Variants in NBAS observed in about 807,000 individuals in gnomAD.
The protein encoded by NBAS is NBAS subunit of NRZ tethering complex, also known as NAG/BC035112 fusion.
A neutral mutation model predicts 302.5 loss-of-function variants in NBAS; 219 were observed. The observed-to-expected ratio is 0.72, with a 90% CI of 0.65 to 0.81. The LOEUF (loss-of-function observed/expected upper bound fraction) is 0.81, where lower values mean the gene tolerates loss of function less well. NBAS is among the 30% of genes least tolerant of loss of function. The pLI, the probability that NBAS is intolerant of heterozygous loss-of-function variation, is 0.00. For missense variants in NBAS, 2,932 were observed against 2,841.6 expected, an observed-to-expected ratio of 1.03 and a Z score of -0.72; for synonymous variants, 1,118 against 1,021.6, an observed-to-expected ratio of 1.09 and a Z score of -1.80.
At chr2:15,384,737 T>C (rs549202137) in intron 28 of NBAS, among the ~76,000 whole-genome samples, 3 of 152,346 alleles carry the variant, frequency 2.0e-5, no homozygotes, top group African/African-American at 7.2e-5. Context: ...TTATGTTTAC[T>C]TTCTAGTCTT....
At position 15,394,266 on chromosome 2, in the gene NBAS, C is replaced by T. The variant is rs557345395; in HGVS notation, c.3218G>A (p.Arg1073His). 1.9e-6 allele frequency: 3 copies of T among 1,612,334 alleles called. No individual in the cohort carries two copies. The highest frequency in any genetic ancestry group is 2.2e-5 in the East Asian group (1 of 44,744). ...CCTCGTCAATCTAACCATCAGCTTG[C>T]GTGCCTCTTCTGAGCTAGATTGAGT... ...KNTQSSSEEA[R>H]KLMVRLTRHT... The change falls in exon 28 of 52, where the codon CGC becomes CAC. Residue 1073 changes from arginine to histidine, a missense_variant. By Grantham distance (29) the Arg-to-His change is conservative. Transcript: ENST00000281513.
At chr2:15,173,860 C>T (rs896806363) in intron 51 of NBAS, among the ~76,000 whole-genome samples, 1 of 152,344 alleles carries the variant, frequency 6.6e-6, no homozygotes, top group East Asian at 1.9e-4. Flanking sequence ...GTTATTATTT[C>T]ACATGTCAAT....
At chr2:15,374,839 C>T (rs569209854) in intron 30 of NBAS, 119 bp from the exon 31 acceptor site, 26 of 831,486 alleles carry the variant, frequency 3.1e-5, no homozygotes, top group East Asian at 2.7e-4. Flanking sequence ...GAATTCATTC[C>T]GCTGGATGCC....
the NBAS span, among the ~76,000 whole-genome samples, chr2:15,152,606 A>C: frequency 6.6e-6 from 1 of 152,260 alleles, no homozygotes; most frequent in Non-Finnish European, 1.5e-5. Flanking sequence ...CTGTGTCGGC[A>C]TCCCACTTCC....
intron 44 of NBAS, among the ~76,000 whole-genome samples, chr2:15,243,825 C>CAAACAA (rs1438075237): frequency 6.6e-6 from 1 of 152,004 alleles, no homozygotes; most frequent in African/African-American, 2.4e-5. Flanking sequence ...GGTTAAAAAA[C>CAAACAA]AAACAAAAAC....
the NBAS span, among the ~76,000 whole-genome samples, chr2:15,017,763 G>T: frequency 1.3e-5 from 2 of 151,982 alleles, no homozygotes; most frequent in Non-Finnish European, 2.9e-5. Flanking sequence ...ATTACAAATA[G>T]AACTACCATA....
the NBAS span, among the ~76,000 whole-genome samples, chr2:15,061,962 C>G: frequency 6.6e-6 from 1 of 152,160 alleles, no homozygotes; most frequent in Non-Finnish European, 1.5e-5. Flanking sequence ...CAGCATGAAG[C>G]AAGACAGTGA....
At chr2:15,094,385 GT>G in the NBAS span, among the ~76,000 whole-genome samples, 8 of 152,122 alleles carry the variant, frequency 5.3e-5, no homozygotes, top group African/African-American at 1.9e-4. Flanking sequence ...AATAGTGTTT[GT>G]TATGGAAATT....
At chr2:15,292,379 A>T (rs1670343727) in intron 41 of NBAS, among the ~76,000 whole-genome samples, 158 bp downstream of exon 41, 1 of 152,222 alleles carries the variant, frequency 6.6e-6, no homozygotes, top group South Asian at 2.1e-4. Context: ...TGGAGAAGGC[A>T]CACATCCCAC....
At chr2:14,872,941 G>A in the NBAS span, among the ~76,000 whole-genome samples, 23 of 152,204 alleles carry the variant, frequency 1.5e-4, no homozygotes, top group African/African-American at 5.3e-4. Flanking sequence ...GAACTTTGTG[G>A]TGAGTGTTGC....
chr2:15,396,609 T>C, intron 26 of NBAS, 134 bp from the exon 27 acceptor site: 1 of 573,082 alleles, frequency 1.7e-6, no homozygotes, highest in Admixed American at 3.3e-5. Context: ...TCTAAATTCA[T>C]TCAGCATTAT....
chr2:15,254,570 T>C (rs1294201904), intron 44 of NBAS, among the ~76,000 whole-genome samples: 4 of 152,132 alleles, frequency 2.6e-5, no homozygotes, highest in African/African-American at 9.7e-5. Context: ...AATTCAACAG[T>C]TTTAGGGGAA....
chr2:14,923,972 C>A, the NBAS span, among the ~76,000 whole-genome samples: 1 of 152,160 alleles, frequency 6.6e-6, no homozygotes, highest in African/African-American at 2.4e-5. Flanking sequence ...GCTACCCACC[C>A]TCGTCAAGTC....
intron 28 of NBAS, among the ~76,000 whole-genome samples, chr2:15,391,388 ACT>A (rs1675596708): frequency 1.3e-5 from 2 of 151,998 alleles, no homozygotes; most frequent in African/African-American, 4.8e-5. Context: ...TAAAAAAAAA[ACT>A]CTTAATGAAA....
intron 33 of NBAS, 30 bp from the exon 34 acceptor site, chr2:15,353,740 C>T (rs1385166913): frequency 6.2e-7 from 1 of 1,613,436 alleles, no homozygotes; most frequent in East Asian, 2.2e-5. Context: ...AAAAATGATT[C>T]CCAAAAGAAG....
At chr2:15,019,127 A>G in the NBAS span, among the ~76,000 whole-genome samples, 6 of 152,242 alleles carry the variant, frequency 3.9e-5, no homozygotes, top group African/African-American at 1.4e-4. Flanking sequence ...GGGACATGAG[A>G]CAATTTACAT....
At chr2:15,340,318 G>T (rs1273511053) in intron 35 of NBAS, among the ~76,000 whole-genome samples, 4 of 152,136 alleles carry the variant, frequency 2.6e-5, no homozygotes, top group African/African-American at 9.7e-5. Flanking sequence ...GGGTCAGCAC[G>T]ATGTCCCAAA....
the NBAS span, among the ~76,000 whole-genome samples, chr2:14,800,509 G>GCA: frequency 6.6e-6 from 1 of 152,192 alleles, no homozygotes; most frequent in Non-Finnish European, 1.5e-5. Context: ...CAGTGTGAAA[G>GCA]TGGACTAATA....
chr2:14,925,651 C>A, the NBAS span, among the ~76,000 whole-genome samples: 1 of 152,144 alleles, frequency 6.6e-6, no homozygotes, highest in Non-Finnish European at 1.5e-5. Flanking sequence ...AAAGTCACTG[C>A]ATCAGTGTGA....
Sources: gnomAD v4.1 joint callset for allele counts (sites outside exome capture counted in the v4.1 genomes callset) on GRCh38, gnomAD v4.1.1 for gene constraint, MANE v1.5 for transcripts, NCBI Gene and HGNC (gene_info 2026-07-23, HGNC 2026-07-21) for gene names.